TSPAN13: variants seen among roughly 807,000 people sequenced by gnomAD.
TSPAN13 encodes the protein tetraspanin 13, also known as tetraspanin-13.
A neutral mutation model predicts 26.9 loss-of-function variants in TSPAN13; 18 were observed. That is an observed-to-expected ratio of 0.67 (90% CI 0.46 to 0.99). The LOEUF is 0.99. Ranked by LOEUF, TSPAN13 falls within the 50% of genes least tolerant of loss-of-function variation. The pLI is 0.00. For missense variants in TSPAN13, 201 were observed against 249.6 expected (o/e 0.81, Z 1.31); for synonymous variants, 116 against 98.4 (o/e 1.18, Z -1.06).
Position 16,753,894 on chromosome 7 carries a change from G to A in TSPAN13, c.-74G>A, listed in dbSNP as rs1355233710. 2 of 1,501,450 alleles carry A rather than the reference G, an allele frequency of 1.3e-6. No homozygotes were observed. The highest frequency in any genetic ancestry group is 1.9e-5 in the Admixed American group (1 of 53,044). 93.0% of individuals were successfully genotyped at this position (1,501,450 alleles called of 1,614,324 possible). A position where few individuals can be genotyped will look rare whatever the true frequency, so the allele number is the denominator to read the frequency against. Reference sequence around the variant, plus strand: ...CGCCTGGGCCAGGCCCCAAAGGCAAGGACAAAGCAGCTGTCAGGGAACCTC... The same window carrying A: ...CGCCTGGGCCAGGCCCCAAAGGCAAAGACAAAGCAGCTGTCAGGGAACCTC... On this transcript the variant is annotated 5_prime_UTR_variant, in exon 1 of 6. Coordinates refer to ENST00000262067, the MANE Select transcript of TSPAN13 (RefSeq NM_014399.4).
chr7:16,767,278 AT>A (rs1326300052), intron 1 of TSPAN13, among the ~76,000 whole-genome samples: 2 of 152,220 alleles, frequency 1.3e-5, no homozygotes, highest in Admixed American at 1.3e-4. Flanking sequence ...TTATCTACAA[AT>A]AACATATAGT....
rs541978362 is a variant in TSPAN13 at position 16,772,794 on chromosome 7, G to A, written c.64-3417G>A. Among the ~76,000 whole-genome samples, 61 of 152,132 alleles carry A rather than the reference G, an allele frequency of 4.0e-4. No individual in the cohort carries two copies. In the South Asian group the frequency reaches 0.012, roughly 31 times the overall value. On this transcript the variant is annotated intron_variant, in intron 1 of 5. Transcript: ENST00000262067. ...GTGGATCACCTGAGGTCAGGAGTTC[G>A]AGACCAGCCTGGCCAACATGGTGAA...
chr7:16,771,864 T>C (rs897574471), intron 1 of TSPAN13, among the ~76,000 whole-genome samples: 6 of 152,152 alleles, frequency 3.9e-5, no homozygotes, highest in African/African-American at 1.4e-4. Flanking sequence ...CACAGCAGAA[T>C]CAACTTGGTG....
intron 4 of TSPAN13, among the ~76,000 whole-genome samples, chr7:16,778,146 C>T (rs1197173679): frequency 6.6e-6 from 1 of 152,152 alleles, no homozygotes; most frequent in Non-Finnish European, 1.5e-5. Flanking sequence ...GGTTTATTGT[C>T]CCTAATTTCT....
intron 2 of TSPAN13, 59 bp from the exon 3 acceptor site, chr7:16,776,983 A>ACCT: frequency 8.3e-7 from 1 of 1,200,482 alleles, no homozygotes; most frequent in Non-Finnish European, 1.2e-6. Context: ...GTACCTCTGT[A>ACCT]CCTCTGTTTT....
rs1784838452 is a variant in TSPAN13 at position 16,783,543 on chromosome 7, TA to T, written c.*54del. ...GTATTATGATCTTGTTCACTTTCTG[TA>T]ATTTTCTGTTAAGCTCCATTTGCCA... On this transcript the variant is annotated 3_prime_UTR_variant, in exon 6 of 6. Coordinates refer to ENST00000262067, the MANE Select transcript of TSPAN13 (RefSeq NM_014399.4). 1.9e-6 allele frequency: 3 copies of T among 1,560,240 alleles called. No individual in the cohort carries two copies. In the African/African-American group the frequency reaches 4.0e-5, roughly 21 times the overall value.
intron 5 of TSPAN13, among the ~76,000 whole-genome samples, chr7:16,780,647 A>G (rs1489458383): frequency 1.3e-5 from 2 of 152,202 alleles, no homozygotes; most frequent in African/African-American, 2.4e-5. Flanking sequence ...CTCTCTACAC[A>G]TCAGCTAGAG....
chr7:16,779,063 G>T lies in TSPAN13; in HGVS notation c.487G>T (p.Gly163Ter). 2 of 1,614,086 alleles carry T rather than the reference G, an allele frequency of 1.2e-6. No individual in the cohort carries two copies. The highest frequency in any genetic ancestry group is 1.7e-6 in the Non-Finnish European group (2 of 1,179,984). ...PCAPIIGEYA[G>*]EVLRFVGGIG... is the part of the protein sequence containing the mutation. Reference sequence around the variant, plus strand: ...TGCTCCAATCATAGGAGAATATGCTGGAGAGGTTTTGAGATTTGTTGGTGG... The same window carrying T: ...TGCTCCAATCATAGGAGAATATGCTTGAGAGGTTTTGAGATTTGTTGGTGG... The change falls in exon 5 of 6, where the codon GGA becomes TGA. Residue 163 changes from glycine (G) to a stop codon, truncating the protein, a stop_gained. Transcript: ENST00000262067. LOFTEE classifies it high-confidence loss of function.
intron 3 of TSPAN13, 32 bp downstream of exon 3, chr7:16,777,154 A>G: frequency 6.8e-7 from 1 of 1,464,618 alleles, no homozygotes; most frequent in African/African-American, 1.4e-5. Context: ...CTACTTTATT[A>G]TACCACATAG....
Position 16,754,023 on chromosome 7 carries a change from TTTA to T in TSPAN13, c.57_59del (p.Tyr20del). 2 of 1,613,800 alleles carry T rather than the reference TTTA, an allele frequency of 1.2e-6. No individual in the cohort carries two copies. The highest frequency in any genetic ancestry group is 1.7e-6 in the Non-Finnish European group (2 of 1,179,826). Reference sequence around the variant, plus strand: ...AACTGCCTGTGCGCCCTCAACCTGCTTTACACCGTGAGTATCCCCAGTCCGTTC... The same window carrying T: ...AACTGCCTGTGCGCCCTCAACCTGCTCACCGTGAGTATCCCCAGTCCGTTC... On this transcript the variant is annotated inframe_deletion, in exon 1 of 6. Transcript: ENST00000262067.
intron 5 of TSPAN13, among the ~76,000 whole-genome samples, chr7:16,782,634 C>T (rs1451952225): frequency 6.6e-6 from 1 of 152,164 alleles, no homozygotes; most frequent in Non-Finnish European, 1.5e-5. Flanking sequence ...ACAGCTTCAT[C>T]TCTTCCTACC....
chr7:16,759,872 G>T (rs1418925346), intron 1 of TSPAN13, among the ~76,000 whole-genome samples: 2 of 152,090 alleles, frequency 1.3e-5, no homozygotes, highest in Admixed American at 6.5e-5. Context: ...AAAATATTTT[G>T]TAGAGACGGG....
At chr7:16,778,243 T>C (rs1198517938) in intron 4 of TSPAN13, among the ~76,000 whole-genome samples, 1 of 152,240 alleles carries the variant, frequency 6.6e-6, no homozygotes, top group African/African-American at 2.4e-5. Context: ...ACTCCTGTTA[T>C]CACATCTCTG....
At chr7:16,766,817 G>T (rs1196633016) in intron 1 of TSPAN13, among the ~76,000 whole-genome samples, 1 of 152,176 alleles carries the variant, frequency 6.6e-6, no homozygotes, top group East Asian at 1.9e-4. Context: ...AGTAAGAAGG[G>T]GGTGTTACAT....
At chr7:16,760,210 CT>C (rs1784527545) in intron 1 of TSPAN13, among the ~76,000 whole-genome samples, 1 of 152,046 alleles carries the variant, frequency 6.6e-6, no homozygotes, top group Non-Finnish European at 1.5e-5. Flanking sequence ...GGCTATATGG[CT>C]TTTGAGTTAA....
intron 1 of TSPAN13, among the ~76,000 whole-genome samples, chr7:16,772,388 T>G (rs963612128): frequency 5.3e-5 from 8 of 152,146 alleles, no homozygotes; most frequent in Non-Finnish European, 1.2e-4. Context: ...TAACAGAAAT[T>G]TATCCCCTCA....
Position 16,753,767 on chromosome 7 carries a change from C to G in TSPAN13, c.-201C>G, listed in dbSNP as rs1784447569. 1 of 455,426 alleles carries G rather than the reference C, an allele frequency of 2.2e-6. No homozygotes were observed. Among genetic ancestry groups the G allele is most frequent in the African/African-American group, 2.1e-5 (1 of 47,616 alleles). 28.2% of individuals were successfully genotyped at this position (455,426 alleles called of 1,614,324 possible). A position where few individuals can be genotyped will look rare whatever the true frequency, so the allele number is the denominator to read the frequency against. On this transcript the variant is annotated 5_prime_UTR_variant, in exon 1 of 6. Coordinates refer to ENST00000262067, the MANE Select transcript of TSPAN13 (RefSeq NM_014399.4). ...TCGGGCTCCTGCTCCGGCTCAGCTG[C>G]GGCGGCCGCAGGTTCCAAAGCGGGT...
At chr7:16,756,300 G>A (rs1562515635) in intron 1 of TSPAN13, among the ~76,000 whole-genome samples, 1 of 152,316 alleles carries the variant, frequency 6.6e-6, no homozygotes, top group East Asian at 1.9e-4. Flanking sequence ...AACATTCTTT[G>A]TAGGTTCTAA....
intron 1 of TSPAN13, among the ~76,000 whole-genome samples, chr7:16,763,646 G>A (rs1269591681): frequency 3.3e-5 from 5 of 152,028 alleles, no homozygotes; most frequent in Admixed American, 2.6e-4. Flanking sequence ...TTCCTTTATC[G>A]ATCTTGCAGG....
Sources: gnomAD v4.1 joint callset for allele counts (sites outside exome capture counted in the v4.1 genomes callset) on GRCh38, gnomAD v4.1.1 for gene constraint, MANE v1.5 for transcripts, NCBI Gene and HGNC (gene_info 2026-07-23, HGNC 2026-07-21) for gene names.